The following GARIN5A variants were observed in gnomAD, a reference collection of about 807,000 sequenced individuals.
The protein encoded by GARIN5A is golgi associated RAB2 interactor 5A.
the GARIN5A span, among the ~76,000 whole-genome samples, chr19:50,472,252 CATGT>C: frequency 1.4e-4 from 13 of 95,792 alleles, 1 homozygote; most frequent in Admixed American, 4.1e-4. Context: ...ATTATATATA[CATGT>C]ATGTGTGTAT....
the GARIN5A span, chr19:50,475,816 G>A: frequency 1.3e-6 from 2 of 1,583,860 alleles, no homozygotes; most frequent in South Asian, 2.2e-5. Context: ...GGATGAGGGG[G>A]TTCTGGGGCT....
At chr19:50,470,096 A>T in the GARIN5A span, among the ~76,000 whole-genome samples, 1 of 152,222 alleles carries the variant, frequency 6.6e-6, no homozygotes, top group Non-Finnish European at 1.5e-5. Flanking sequence ...TAACGCCAGG[A>T]TTTGAAACCA....
At chr19:50,468,159 G>C in the GARIN5A span, among the ~76,000 whole-genome samples, 13 of 152,172 alleles carry the variant, frequency 8.5e-5, no homozygotes, top group African/African-American at 2.4e-4. Flanking sequence ...TCAGGAGTTC[G>C]AGACCAGCCT....
the GARIN5A span, among the ~76,000 whole-genome samples, chr19:50,475,031 ATG>A: frequency 1.3e-5 from 2 of 152,204 alleles, no homozygotes; most frequent in Non-Finnish European, 2.9e-5. Flanking sequence ...GTGAGATCGT[ATG>A]CGCGGCCTAG....
chr19:50,475,443 C>A, the GARIN5A span: 1 of 1,605,800 alleles, frequency 6.2e-7, no homozygotes, highest in Non-Finnish European at 8.5e-7. Context: ...GCAACTTCTC[C>A]CAACCGAGTC....
chr19:50,473,284 C>T, the GARIN5A span, among the ~76,000 whole-genome samples: 1 of 152,010 alleles, frequency 6.6e-6, no homozygotes, highest in African/African-American at 2.4e-5. Flanking sequence ...GTCCTTCCTT[C>T]CTTCCCTCCT....
the GARIN5A span, among the ~76,000 whole-genome samples, chr19:50,469,983 C>T: frequency 1.3e-5 from 2 of 152,164 alleles, no homozygotes; most frequent in South Asian, 4.1e-4. Context: ...AGTTTTTCCC[C>T]CGACAACCTT....
At chr19:50,476,427 TGCGCAGGTGCCGGGGCCCA>T in the GARIN5A span, 1 of 1,547,946 alleles carries the variant, frequency 6.5e-7, no homozygotes, top group Non-Finnish European at 8.7e-7. Context: ...CGGGTGCCAG[TGCGCAGGTGCCGGGGCCCA>T]GCGCAGGCGC....
chr19:50,475,429 G>A, the GARIN5A span: 56 of 1,608,954 alleles, frequency 3.5e-5, no homozygotes, highest in African/African-American at 6.3e-4. Context: ...TGGTGACCTC[G>A]TTGGCAACTT....
the GARIN5A span, among the ~76,000 whole-genome samples, chr19:50,470,107 A>G: frequency 1.3e-5 from 2 of 152,232 alleles, no homozygotes; most frequent in Admixed American, 6.5e-5. Context: ...TTTGAAACCA[A>G]GCCGTCTGAG....
the GARIN5A span, chr19:50,476,322 T>C: frequency 1.3e-6 from 2 of 1,590,666 alleles, no homozygotes; most frequent in Admixed American, 3.5e-5. Context: ...AAGAGCGGGC[T>C]CCTGATTTGT....
chr19:50,470,144 C>G, the GARIN5A span, among the ~76,000 whole-genome samples: 1 of 152,196 alleles, frequency 6.6e-6, no homozygotes, highest in Non-Finnish European at 1.5e-5. Flanking sequence ...AGGACGTTGC[C>G]TACCACTTTA....
At chr19:50,476,802 A>G in the GARIN5A span, 5 of 576,330 alleles carry the variant, frequency 8.7e-6, no homozygotes, top group African/African-American at 4.0e-5. Context: ...GGCCTCAGTC[A>G]CGCACGCGCA....
the GARIN5A span, chr19:50,476,249 C>A: frequency 6.2e-7 from 1 of 1,612,798 alleles, no homozygotes. Context: ...AGGGAGAAAG[C>A]GAGGGGGCGG....
At chr19:50,468,933 C>A in the GARIN5A span, among the ~76,000 whole-genome samples, 42 of 152,240 alleles carry the variant, frequency 2.8e-4, no homozygotes, top group Admixed American at 7.2e-4. Context: ...AATCCAAACT[C>A]TTTTAACTCC....
the GARIN5A span, among the ~76,000 whole-genome samples, chr19:50,472,155 TATGTATGTATA>T: frequency 7.8e-4 from 118 of 150,814 alleles, 3 homozygotes; most frequent in African/African-American, 2.8e-3. Context: ...TACGTGTGTA[TATGTATGTATA>T]CGTGTGTATA....
At chr19:50,474,868 C>A in the GARIN5A span, among the ~76,000 whole-genome samples, 2 of 152,116 alleles carry the variant, frequency 1.3e-5, no homozygotes, top group African/African-American at 4.8e-5. Context: ...ACCATGAGAT[C>A]CACAATCATG....
chr19:50,467,932 G>A, the GARIN5A span: 35 of 973,584 alleles, frequency 3.6e-5, no homozygotes, highest in East Asian at 1.3e-4. Context: ...TCTGCCCCAC[G>A]AATCCCTTTC....
At chr19:50,475,791 G>A in the GARIN5A span, 2 of 1,422,744 alleles carry the variant, frequency 1.4e-6, no homozygotes, top group South Asian at 1.1e-5. Context: ...AGGTCGAGGG[G>A]CAGGCCGAGG....
Sources: gnomAD v4.1 joint callset for allele counts (sites outside exome capture counted in the v4.1 genomes callset) on GRCh38, gnomAD v4.1.1 for gene constraint, MANE v1.5 for transcripts, NCBI Gene and HGNC (gene_info 2026-07-23, HGNC 2026-07-21) for gene names.